The following ELAVL2 variants were observed in gnomAD, a reference collection of about 807,000 sequenced individuals.
ELAVL2 encodes ELAV like RNA binding protein 2, also known as ELAV-like protein 2.
A neutral mutation model predicts 34.6 loss-of-function variants in ELAVL2; 4 were observed. That is an observed-to-expected ratio of 0.12 (90% confidence interval 0.06 to 0.26). The LOEUF (loss-of-function observed/expected upper bound fraction) is 0.26, where lower values mean the gene tolerates loss of function less well. Among genes scored for constraint, ELAVL2 ranks in the 10% least tolerant of loss-of-function variants. The pLI is 1.00. For missense variants in ELAVL2, 432 were observed against 442.8 expected, an observed-to-expected ratio of 0.98 and a Z score of 0.22; for synonymous variants, 193 against 154.8, an observed-to-expected ratio of 1.25 and a Z score of -1.83.
At chr9:23,695,842 G>A (rs1045572570) in intron 5 of ELAVL2, among the ~76,000 whole-genome samples, 1 of 152,182 alleles carries the variant, frequency 6.6e-6, no homozygotes, top group African/African-American at 2.4e-5. Context: ...GGTCGTACAT[G>A]TGATTAACTG....
At chr9:23,697,989 A>T (rs946514338) in intron 5 of ELAVL2, among the ~76,000 whole-genome samples, 1 of 152,114 alleles carries the variant, frequency 6.6e-6, no homozygotes, top group Non-Finnish European at 1.5e-5. Flanking sequence ...TCTAAGAAAG[A>T]GGAAAAGTAT....
chr9:23,723,149 T>C (rs2044168030), intron 3 of ELAVL2, among the ~76,000 whole-genome samples: 1 of 152,138 alleles, frequency 6.6e-6, no homozygotes, highest in African/African-American at 2.4e-5. Context: ...CTATTCACAA[T>C]AGCAAAGACT....
intron 3 of ELAVL2, among the ~76,000 whole-genome samples, chr9:23,727,857 A>T (rs934622213): frequency 6.6e-6 from 1 of 152,092 alleles, no homozygotes; most frequent in African/African-American, 2.4e-5. Context: ...AGGGAGCCCC[A>T]GGAGAAACTG....
At chr9:23,785,956 T>C (rs906283268) in intron 1 of ELAVL2, among the ~76,000 whole-genome samples, 2 of 152,216 alleles carry the variant, frequency 1.3e-5, no homozygotes, top group African/African-American at 2.4e-5. Context: ...AAGGTCACTA[T>C]GAGGTCACCT....
the ELAVL2 span, among the ~76,000 whole-genome samples, chr9:23,845,780 C>T: frequency 6.6e-6 from 1 of 151,476 alleles, no homozygotes; most frequent in East Asian, 1.9e-4. Context: ...AATGTGTGAG[C>T]TCTCTGCATT....
intron 2 of ELAVL2, among the ~76,000 whole-genome samples, chr9:23,737,571 T>G (rs2048192215): frequency 1.3e-5 from 2 of 152,232 alleles, no homozygotes; most frequent in South Asian, 4.1e-4. Context: ...AAAGTACTTT[T>G]TCACTAATAT....
intron 4 of ELAVL2, among the ~76,000 whole-genome samples, chr9:23,703,279 A>G (rs2038103564): frequency 6.6e-6 from 1 of 152,252 alleles, no homozygotes; most frequent in African/African-American, 2.4e-5. Context: ...GAATGAATGA[A>G]TTAGAAAGCA....
At position 23,692,347 on chromosome 9, in the gene ELAVL2, T is replaced by C; in HGVS notation, c.*210A>G. On this transcript the variant is annotated 3_prime_UTR_variant, in exon 7 of 7. Transcript: ENST00000397312. ...GTGACAGGTAAAAACCCTGTACCTC[T>C]TGTCCATATTCAAACATAAAAGATA... 1.7e-6 allele frequency: 1 copy of C among 573,918 alleles called. No homozygotes were observed. Among genetic ancestry groups the C allele is most frequent in the Non-Finnish European group, 3.0e-6 (1 of 335,672 alleles). 35.6% of individuals were successfully genotyped at this position (573,918 alleles called of 1,614,324 possible).
chr9:23,784,245 A>G (rs913070038), intron 1 of ELAVL2, among the ~76,000 whole-genome samples: 1 of 152,178 alleles, frequency 6.6e-6, no homozygotes, highest in African/African-American at 2.4e-5. Flanking sequence ...TAGCATAAAC[A>G]AGACAGGTAC....
intron 3 of ELAVL2, among the ~76,000 whole-genome samples, chr9:23,728,239 C>G (rs1419951957): frequency 1.3e-5 from 2 of 152,016 alleles, no homozygotes; most frequent in Non-Finnish European, 2.9e-5. Flanking sequence ...ATATAGACTT[C>G]AAAGAAGGGG....
At chr9:23,845,384 A>T in the ELAVL2 span, among the ~76,000 whole-genome samples, 1 of 151,916 alleles carries the variant, frequency 6.6e-6, no homozygotes, top group South Asian at 2.1e-4. Context: ...TGAAACAGAA[A>T]ATTATATAAA....
intron 2 of ELAVL2, among the ~76,000 whole-genome samples, chr9:23,731,951 T>C (rs527363183): frequency 6.6e-6 from 1 of 152,240 alleles, no homozygotes; most frequent in East Asian, 1.9e-4. Flanking sequence ...ATGGGAGCTA[T>C]CAAAAGCAGT....
At chr9:23,770,940 G>C (rs951431260) in intron 1 of ELAVL2, among the ~76,000 whole-genome samples, 1 of 152,176 alleles carries the variant, frequency 6.6e-6, no homozygotes, top group Non-Finnish European at 1.5e-5. Context: ...AGATAACAGG[G>C]AGAGTAGGAG....
rs745914020 is a variant in ELAVL2, at chr9:23,740,942, C to T, written c.230-9817G>A. Reference sequence around the variant, plus strand: ...TCATACGCATAGCATGATTTCATAGCGGTGGAAAAAAGATGGGATCAATAC... The same window carrying T: ...TCATACGCATAGCATGATTTCATAGTGGTGGAAAAAAGATGGGATCAATAC... On this transcript the variant is annotated intron_variant, in intron 2 of 6. Transcript: ENST00000397312. Among the ~76,000 whole-genome samples the T allele has an allele frequency of 2.0e-4, 30 of 152,212 alleles. 1 individual carries two copies. The highest frequency in any genetic ancestry group is 3.1e-4 in the Non-Finnish European group (21 of 68,006).
intron 2 of ELAVL2, among the ~76,000 whole-genome samples, chr9:23,744,112 T>C (rs1382851166): frequency 6.6e-6 from 1 of 152,154 alleles, no homozygotes; most frequent in African/African-American, 2.4e-5. Flanking sequence ...TAACTAGCCT[T>C]ATGAATTTGA....
At chr9:23,701,745 G>T in intron 4 of ELAVL2, 141 bp from the exon 5 acceptor site, 2 of 930,096 alleles carry the variant, frequency 2.2e-6, no homozygotes, top group South Asian at 3.4e-5. Context: ...CACACCAGGA[G>T]GAAACTTTCC....
chr9:23,831,630 AG>A, the ELAVL2 span: 1 of 152,418 alleles, frequency 6.6e-6, no homozygotes, highest in Admixed American at 6.5e-5. Flanking sequence ...ACGCTTGATA[AG>A]GCCAACCCAA....
intron 2 of ELAVL2, among the ~76,000 whole-genome samples, chr9:23,754,763 G>A (rs1164078078): frequency 6.6e-6 from 1 of 152,136 alleles, no homozygotes; most frequent in East Asian, 1.9e-4. Flanking sequence ...GCGCCTGGCT[G>A]GCATCAAGTA....
In ELAVL2 at chr9:23,705,053, T is replaced by A; in HGVS notation, c.352A>T (p.Ser118Cys). 6.2e-7 allele frequency: 1 copy of A among 1,614,126 alleles called. No homozygotes were observed. Among genetic ancestry groups the A allele is most frequent in the Non-Finnish European group, 8.5e-7 (1 of 1,179,990 alleles). Residue 118 changes from serine (S) to cysteine (C), a missense_variant, in exon 4 of 7, where the codon AGT becomes TGT. This residue lies in a region of ELAVL2 where 295 missense variants were observed against 306.1 expected (regional missense o/e 0.96). Coordinates refer to ENST00000397312, the MANE Select transcript of ELAVL2 (RefSeq NM_004432.5). ...KTIKVSYARP[S>C]SASIRDANLY... The stretch of plus-strand genomic sequence containing the variant: ...TTTGCATCTCTGATAGAAGCTGAAC[T>A]TGGGCGAGCATAGGAAACCTGGAAA...
Sources: allele counts gnomAD v4.1 joint callset (sites outside exome capture counted in the v4.1 genomes callset), GRCh38; gene constraint gnomAD v4.1.1; regional missense constraint gnomAD v4.1.1; transcripts MANE v1.5; gene names NCBI Gene and HGNC (gene_info 2026-07-23, HGNC 2026-07-21).